The following IRF2BP2 variants were observed in gnomAD, a reference collection of about 807,000 sequenced individuals.
IRF2BP2 encodes the protein interferon regulatory factor 2 binding protein 2, also known as interferon regulatory factor 2-binding protein 2.
Under a neutral mutation model 32.7 loss-of-function variants are expected in IRF2BP2, and 13 were observed. That is an observed-to-expected ratio of 0.40 (90% CI 0.26 to 0.63). The LOEUF is 0.63. IRF2BP2 is among the 30% of genes least tolerant of loss of function. The pLI is 0.42. For missense variants in IRF2BP2, 980 were observed against 830.6 expected, an observed-to-expected ratio of 1.18 and a Z score of -2.21; for synonymous variants, 555 against 384.6, an observed-to-expected ratio of 1.44 and a Z score of -5.18.
rs1426714063 is a variant in IRF2BP2 at position 234,607,792 on chromosome 1, G to C, written c.1109C>G (p.Pro370Arg). 1 of 1,611,666 alleles carries C rather than the reference G, an allele frequency of 6.2e-7. No homozygotes were observed. The highest frequency in any genetic ancestry group is 1.3e-5 in the African/African-American group (1 of 74,850). The change falls in exon 2 of 2, where the codon CCT becomes CGT. Residue 370 changes from proline to arginine, a missense_variant. Physicochemically the swap from Pro to Arg is moderately radical, Grantham distance 103 (BLOSUM62 -2). Transcript: ENST00000366609. ...CGGCTGGGCCTCTCCGTTGATCTTA[G>C]GGGGCCCGACTTCACCTTCTGGTTC... is the stretch of plus-strand genomic sequence containing the variant. ...SPEPEGEVGPPKINGEAQPWL... is the reference protein window; with the variant it reads ...SPEPEGEVGPRKINGEAQPWL...
rs1285014829 is a variant in IRF2BP2 at position 234,607,802 on chromosome 1, C to T, written c.1099G>A (p.Val367Ile). The T allele has an allele frequency of 6.2e-7, 1 of 1,609,248 alleles. No individual in the cohort carries two copies. Residue 367 changes from valine (V) to isoleucine (I), a missense_variant, in exon 2 of 2, where the codon GTC becomes ATC. By Grantham distance (29) the Val-to-Ile change is conservative. Transcript: ENST00000366609. ...TCTCCGTTGATCTTAGGGGGCCCGA[C>T]TTCACCTTCTGGTTCTGGAGAGGGC... ...RKPSPEPEGE[V>I]GPPKINGEAQ... is the part of the protein sequence containing the mutation.
In IRF2BP2 at chr1:234,608,478, G is replaced by C. The variant is rs1177415728; in HGVS notation, c.1017C>G (p.Phe339Leu). The C allele has an allele frequency of 6.3e-7, 1 of 1,598,142 alleles. No homozygotes were observed. The highest frequency in any genetic ancestry group is 8.5e-7 in the Non-Finnish European group (1 of 1,170,894). The change falls in exon 1 of 2, where the codon TTC becomes TTG. Residue 339 changes from phenylalanine (F) to leucine (L), a missense_variant. Phe to Leu is a conservative substitution (Grantham distance 22). Transcript: ENST00000366609. ...PALTAGRLLGFEANGANGSKA... is the reference protein window; with the variant it reads ...PALTAGRLLGLEANGANGSKA... Reference sequence around the variant, plus strand: ...TAGACCCGTTGGCCCCGTTGGCCTCGAAACCCAACAACCTGCCTGCAGTCA... The same window carrying C: ...TAGACCCGTTGGCCCCGTTGGCCTCCAAACCCAACAACCTGCCTGCAGTCA...
At position 234,608,929 on chromosome 1, in the gene IRF2BP2, AC is replaced by A; in HGVS notation, c.565del (p.Val189CysfsTer4). 7.3e-7 allele frequency: 1 copy of A among 1,373,572 alleles called. No homozygotes were observed. Among genetic ancestry groups the A allele is most frequent in the Non-Finnish European group, 9.3e-7 (1 of 1,069,666 alleles). The allele number at this position is 1,373,572 out of a possible 1,614,324, so 85.1% of individuals were successfully genotyped here. A position where few individuals can be genotyped will look rare whatever the true frequency, so the allele number is the denominator to read the frequency against. On this transcript the variant is annotated frameshift_variant, in exon 1 of 2. Transcript: ENST00000366609. LOFTEE classifies it high-confidence loss of function. The stretch of plus-strand genomic sequence containing the variant: ...CGTGGCCGAGCCGTTCATGAGCGGC[AC>A]CAGGGTGGGCGGCACCGCGTGGCCG... ...RRGHAVPPTL[V>X]PLMNGSATPL...
rs1236197605 is a variant in IRF2BP2 at position 234,610,028 on chromosome 1, G to C, written c.-534C>G. Among the ~76,000 whole-genome samples, 1 of 145,838 alleles carries C rather than the reference G, an allele frequency of 6.9e-6. No individual in the cohort carries two copies. The highest frequency in any genetic ancestry group is 2.5e-5 in the African/African-American group (1 of 40,600). The stretch of plus-strand genomic sequence containing the variant: ...GCGGCGGCCGGGCGGCGTGGAGCTC[G>C]GGCGCGGCGCGGGCCCCGGGTCGCT... On this transcript the variant is annotated 5_prime_UTR_variant, in exon 1 of 2. Coordinates refer to ENST00000366609, the MANE Select transcript of IRF2BP2 (RefSeq NM_182972.3).
rs1672111732 is a variant in IRF2BP2 at position 234,604,507 on chromosome 1, T to C, written c.*2630A>G. 6.6e-6 allele frequency: 1 copy of C among 152,216 alleles called. No homozygotes were observed. Among genetic ancestry groups the C allele is most frequent in the East Asian group, 1.9e-4 (1 of 5,204 alleles). 9.4% of individuals were successfully genotyped at this position (152,216 alleles called of 1,614,324 possible). On this transcript the variant is annotated 3_prime_UTR_variant, in exon 2 of 2. Coordinates refer to ENST00000366609, the MANE Select transcript of IRF2BP2 (RefSeq NM_182972.3). ...AAAAGGTGGCACACTTTTAAAATACTTGGTGGCCAAGGAAAGGTATATAGT... is the reference window on the plus strand; with the variant it reads ...AAAAGGTGGCACACTTTTAAAATACCTGGTGGCCAAGGAAAGGTATATAGT...
In IRF2BP2 at chr1:234,608,504, G is replaced by C. The variant is rs8722; in HGVS notation, c.991C>G (p.Leu331Val). The C allele has an allele frequency of 8.7e-6, 14 of 1,608,832 alleles. No individual in the cohort carries two copies. Among genetic ancestry groups the C allele is most frequent in the Non-Finnish European group, 1.0e-5 (12 of 1,177,844 alleles). ...FESKFKKEPA[L>V]TAGRLLGFEA... is the part of the protein sequence containing the mutation. The stretch of plus-strand genomic sequence containing the variant: ...AAACCCAACAACCTGCCTGCAGTCA[G>C]GGCCGGCTCCTTCTTAAACTTGCTC... The change falls in exon 1 of 2, where the codon CTG becomes GTG. Residue 331 changes from leucine (L) to valine (V), a missense_variant. Coordinates refer to ENST00000366609, the MANE Select transcript of IRF2BP2 (RefSeq NM_182972.3).
rs1672149357 is a variant in IRF2BP2 at position 234,605,968 on chromosome 1, C to CATT, written c.*1168_*1169insAAT. The stretch of plus-strand genomic sequence containing the variant: ...TATTATTCACTTGGTATTTCAAACA[C>CATT]ATGTTAAGAAGGAAATTACAGGTTT... On this transcript the variant is annotated 3_prime_UTR_variant, in exon 2 of 2. Coordinates refer to ENST00000366609, the MANE Select transcript of IRF2BP2 (RefSeq NM_182972.3). 1 of 152,148 alleles carries CATT rather than the reference C, an allele frequency of 6.6e-6. No individual in the cohort carries two copies. The highest frequency in any genetic ancestry group is 6.5e-5 in the Admixed American group (1 of 15,272). 9.4% of individuals were successfully genotyped at this position (152,148 alleles called of 1,614,324 possible).
In IRF2BP2 at chr1:234,609,207, C is replaced by G. The variant is rs889423480; in HGVS notation, c.288G>C (p.Gln96His). ...CGGGGCCGCCGTGGCCAAGCTGCTG[C>G]TGCTGCTGCAAAAGGATGTCCTTGG... ...LSAKDILLQQ[Q>H]QQLGHGGPEA... The change falls in exon 1 of 2, where the codon CAG becomes CAC. Residue 96 changes from glutamine to histidine, a missense_variant. Gln to His is a conservative substitution (Grantham distance 24, BLOSUM62 0). Coordinates refer to ENST00000366609, the MANE Select transcript of IRF2BP2 (RefSeq NM_182972.3). 6.8e-6 allele frequency: 9 copies of G among 1,324,808 alleles called. No homozygotes were observed. The African/African-American group carries it at 1.4e-4, about 21-fold the overall frequency. The allele number at this position is 1,324,808 out of a possible 1,614,324, so 82.1% of individuals were successfully genotyped here.
At position 234,608,755 on chromosome 1, in the gene IRF2BP2, A is replaced by C; in HGVS notation, c.740T>G (p.Val247Gly). Residue 247 changes from valine to glycine, a missense_variant, in exon 1 of 2, where the codon GTG (valine) becomes GGG (glycine). Physicochemically the swap from Val to Gly is moderately radical, Grantham distance 109. Coordinates refer to ENST00000366609, the MANE Select transcript of IRF2BP2 (RefSeq NM_182972.3). Reference protein sequence around the residue: ...RPASVSSSAAVEHEQREAAAK... With the variant: ...RPASVSSSAAGEHEQREAAAK... ...TGCCGCCTCACGCTGCTCGTGCTCC[A>C]CGGCAGCGCTGCTCGACACGGATGC... The C allele has an allele frequency of 6.7e-7, 1 of 1,485,766 alleles. No homozygotes were observed. Among genetic ancestry groups the C allele is most frequent in the South Asian group, 1.3e-5 (1 of 78,384 alleles). The allele number at this position is 1,485,766 out of a possible 1,614,324, so 92.0% of individuals were successfully genotyped here.
rs760536031 is a variant in IRF2BP2, at chr1:234,608,963, G to A, written c.532C>T (p.Pro178Ser). ...PPELNRQSPN[P>S]RRGHAVPPTL... is the part of the protein sequence containing the mutation. ...GGCGGCACCGCGTGGCCGCGCCGCGGGTTCGGGCTCTGGCGATTCAGCTCG... is the reference window on the plus strand; with the variant it reads ...GGCGGCACCGCGTGGCCGCGCCGCGAGTTCGGGCTCTGGCGATTCAGCTCG... The change falls in exon 1 of 2, where the codon CCG becomes TCG. Residue 178 changes from proline (P) to serine (S), a missense_variant. Physicochemically the swap from Pro to Ser is moderately conservative, Grantham distance 74. Coordinates refer to ENST00000366609, the MANE Select transcript of IRF2BP2 (RefSeq NM_182972.3). 40 of 1,361,848 alleles carry A rather than the reference G, an allele frequency of 2.9e-5. No individual in the cohort carries two copies. The highest frequency in any genetic ancestry group is 9.0e-5 in the African/African-American group (6 of 66,384). 84.4% of individuals were successfully genotyped at this position (1,361,848 alleles called of 1,614,324 possible).
chr1:234,605,192 T>C lies in IRF2BP2; in HGVS notation c.*1945A>G, dbSNP rs935823241. The C allele has an allele frequency of 5.3e-5, 8 of 152,036 alleles. No individual in the cohort carries two copies. The highest frequency in any genetic ancestry group is 1.2e-4 in the Non-Finnish European group (8 of 68,014). The allele number at this position is 152,036 out of a possible 1,614,324, so 9.4% of individuals were successfully genotyped here. A position where few individuals can be genotyped will look rare whatever the true frequency, so the allele number is the denominator to read the frequency against. On this transcript the variant is annotated 3_prime_UTR_variant, in exon 2 of 2. Coordinates refer to ENST00000366609, the MANE Select transcript of IRF2BP2 (RefSeq NM_182972.3). ...ATTCCAAAGTGCCTAGATACACATT[T>C]ATACAACAGACCATAAGAGCTGAAT...
At position 234,604,769 on chromosome 1, in the gene IRF2BP2, G is replaced by A. The variant is rs1209947505; in HGVS notation, c.*2368C>T. On this transcript the variant is annotated 3_prime_UTR_variant, in exon 2 of 2. Transcript: ENST00000366609. ...TTTTATCCAGCTGTGGAGAATCTCT[G>A]CACTGTCATCAGGTACAACAAAAGA... 2 of 152,160 alleles carry A rather than the reference G, an allele frequency of 1.3e-5. No homozygotes were observed. The highest frequency in any genetic ancestry group is 2.9e-5 in the Non-Finnish European group (2 of 68,024). The allele number at this position is 152,160 out of a possible 1,614,324, so 9.4% of individuals were successfully genotyped here. A position where few individuals can be genotyped will look rare whatever the true frequency, so the allele number is the denominator to read the frequency against.
Position 234,607,516 on chromosome 1 carries a change from G to A in IRF2BP2, c.1385C>T (p.Ser462Phe), listed in dbSNP as rs373927872. The change falls in exon 2 of 2, where the codon TCC (serine) becomes TTC (phenylalanine). Residue 462 changes from serine to phenylalanine, a missense_variant. Ser to Phe is a radical substitution (Grantham distance 155, BLOSUM62 -2). Coordinates refer to ENST00000366609, the MANE Select transcript of IRF2BP2 (RefSeq NM_182972.3). ...GCCCAGCCTTCTTTGGTTCATAGAG[G>A]ACGGAGAGGGCGGACTGTTGCTATT... ...RRNSNSPPSP[S>F]SMNQRRLGPR... 2.2e-5 allele frequency: 36 copies of A among 1,614,000 alleles called. No homozygotes were observed. Among genetic ancestry groups the A allele is most frequent in the African/African-American group, 9.3e-5 (7 of 74,932 alleles).
In IRF2BP2 at chr1:234,608,845, G is replaced by C; in HGVS notation, c.650C>G (p.Ser217Cys). The C allele has an allele frequency of 7.5e-7, 1 of 1,338,726 alleles. No individual in the cohort carries two copies. The highest frequency in any genetic ancestry group is 4.1e-5 in the Admixed American group (1 of 24,390). The allele number at this position is 1,338,726 out of a possible 1,614,324, so 82.9% of individuals were successfully genotyped here. A position where few individuals can be genotyped will look rare whatever the true frequency, so the allele number is the denominator to read the frequency against. The change falls in exon 1 of 2, where the codon TCC (serine) becomes TGC (cysteine). Residue 217 changes from serine to cysteine, a missense_variant. Transcript: ENST00000366609. ...GCCCAGGCTGGCGGCCGCGGTTCCG[G>C]ACACCGCGGCTAAGGAGGCGGCAGC... ...GRAAASLAAVSGTAAASLGSA... is the reference protein window; with the variant it reads ...GRAAASLAAVCGTAAASLGSA...
In IRF2BP2 at chr1:234,608,619, C is replaced by T. The variant is rs986407047; in HGVS notation, c.876G>A (p.Gly292=). The part of the protein sequence containing the change: ...LSAEGAGKSR[G]SGEQDWVNRP... ...TGTTGACCCAGTCCTGCTCTCCAGA[C>T]CCGCGGCTCTTGCCCGCACCTTCCG... The change falls in exon 1 of 2, where the codon GGG becomes GGA. Residue 292 remains glycine, a synonymous_variant. Coordinates refer to ENST00000366609, the MANE Select transcript of IRF2BP2 (RefSeq NM_182972.3). 4 of 1,578,042 alleles carry T rather than the reference C, an allele frequency of 2.5e-6. No homozygotes were observed. Among genetic ancestry groups the T allele is most frequent in the African/African-American group, 2.8e-5 (2 of 72,190 alleles).
chr1:234,604,529 T>C lies in IRF2BP2; in HGVS notation c.*2608A>G, dbSNP rs1436785873. ...TACTTGGTGGCCAAGGAAAGGTATA[T>C]AGTAAAAGTTGTAAACCATGTGTAT... On this transcript the variant is annotated 3_prime_UTR_variant, in exon 2 of 2. Transcript: ENST00000366609. The C allele has an allele frequency of 2.0e-5, 3 of 152,190 alleles. No homozygotes were observed. The highest frequency in any genetic ancestry group is 1.9e-4 in the East Asian group (1 of 5,198). 9.4% of individuals were successfully genotyped at this position (152,190 alleles called of 1,614,324 possible). A position where few individuals can be genotyped will look rare whatever the true frequency, so the allele number is the denominator to read the frequency against.
rs1672202587 is a variant in IRF2BP2 at position 234,607,750 on chromosome 1, G to A, written c.1151C>T (p.Thr384Ile). 5.6e-6 allele frequency: 9 copies of A among 1,614,152 alleles called. No homozygotes were observed. Among genetic ancestry groups the A allele is most frequent in the Non-Finnish European group, 7.6e-6 (9 of 1,180,018 alleles). ...AGTCATGGGGATCTTGAGCCCCTCT[G>A]TGGATGTGGACAGCCACGGCTGGGC... ...GEAQPWLSTS[T>I]EGLKIPMTPT... The change falls in exon 2 of 2, where the codon ACA becomes ATA. Residue 384 changes from threonine (T) to isoleucine (I), a missense_variant. By Grantham distance (89) the Thr-to-Ile change is moderately conservative. Transcript: ENST00000366609.
chr1:234,607,962 C>A (rs751337369), intron 1 of IRF2BP2, 110 bp from the exon 2 acceptor site: 4 of 853,570 alleles, frequency 4.7e-6, no homozygotes, highest in Non-Finnish European at 7.0e-6. Context: ...TTCCTCCTCT[C>A]TAAAAGCACA....
Position 234,608,983 on chromosome 1 carries a change from A to G in IRF2BP2, c.512T>C (p.Leu171Pro), listed in dbSNP as rs750476155. ...CCGCGGGTTCGGGCTCTGGCGATTCAGCTCGGGCGGCTCCTCTAGCTTGGA... is the reference window on the plus strand; with the variant it reads ...CCGCGGGTTCGGGCTCTGGCGATTCGGCTCGGGCGGCTCCTCTAGCTTGGA... ...GFSKLEEPPE[L>P]NRQSPNPRRG... is the part of the protein sequence containing the mutation. Residue 171 changes from leucine to proline, a missense_variant, in exon 1 of 2, where the codon CTG (leucine) becomes CCG (proline). Transcript: ENST00000366609. 3.7e-6 allele frequency: 5 copies of G among 1,354,022 alleles called. No homozygotes were observed. Among genetic ancestry groups the G allele is most frequent in the Non-Finnish European group, 4.7e-6 (5 of 1,058,088 alleles). 83.9% of individuals were successfully genotyped at this position (1,354,022 alleles called of 1,614,324 possible).
Sources: allele counts gnomAD v4.1 joint callset (sites outside exome capture counted in the v4.1 genomes callset), GRCh38; gene constraint gnomAD v4.1.1; transcripts MANE v1.5; gene names NCBI Gene and HGNC (gene_info 2026-07-23, HGNC 2026-07-21).